MMP7: variants seen among roughly 807,000 people sequenced by gnomAD.
MMP7 encodes the protein matrix metallopeptidase 7.
MMP7 carries 26 observed loss-of-function variants against 31.5 expected under a neutral mutation model. The ratio of observed to expected loss-of-function variants is 0.83; its 90% CI spans 0.61 to 1.15. The LOEUF (loss-of-function observed/expected upper bound fraction) is 1.15. Among genes scored for constraint, MMP7 ranks in the 50% most tolerant of loss-of-function variants. The pLI is 0.00. For synonymous variants in MMP7, 142 were observed against 124.2 expected, an observed-to-expected ratio of 1.14 and a Z score of -0.95; for missense variants, 367 against 326.5, an observed-to-expected ratio of 1.12 and a Z score of -0.96.
At chr11:102,528,007 CTATAGTT>C (rs771504247) in intron 1 of MMP7, 24 bp from the exon 2 acceptor site, 32 of 1,526,364 alleles carry the variant, frequency 2.1e-5, no homozygotes, top group Non-Finnish European at 2.9e-5. Context: ...AGTAATTAAT[CTATAGTT>C]CTTGTTTATT....
Position 102,520,609 on chromosome 11 carries a change from A to C in MMP7, c.*167T>G. 1 of 561,832 alleles carries C rather than the reference A, an allele frequency of 1.8e-6. No individual in the cohort carries two copies. Among genetic ancestry groups the C allele is most frequent in the Non-Finnish European group, 3.2e-6 (1 of 316,454 alleles). The allele number at this position is 561,832 out of a possible 1,614,324, so 34.8% of individuals were successfully genotyped here. ...ATGAATAAGACACAGTCACACCATAAAGGAGTTTATCCTTAAAAGGAGTGA... is the reference window on the plus strand; with the variant it reads ...ATGAATAAGACACAGTCACACCATACAGGAGTTTATCCTTAAAAGGAGTGA... On this transcript the variant is annotated 3_prime_UTR_variant, in exon 6 of 6. Transcript: ENST00000260227.
At chr11:102,524,735 G>T in intron 4 of MMP7, 1 of 407,630 alleles carries the variant, frequency 2.5e-6, no homozygotes, top group Non-Finnish European at 3.9e-6. Flanking sequence ...AGTGGTGCTT[G>T]ACTCCATAGC....
chr11:102,527,910 T>TTTAGAAG lies in MMP7; in HGVS notation c.181_182insCTTCTAA (p.Glu61AlafsTer43). 1 of 1,614,174 alleles carries TTTAGAAG rather than the reference T, an allele frequency of 6.2e-7. No homozygotes were observed. The highest frequency in any genetic ancestry group is 8.5e-7 in the Non-Finnish European group (1 of 1,180,018). Reference sequence around the variant, plus strand: ...AGGTAGGCCAAAGAATTTTTGCATCTCCTTGAGTTTGGCTTCTAAACTGTT... The same window carrying TTTAGAAG: ...AGGTAGGCCAAAGAATTTTTGCATCTTTAGAAGCCTTGAGTTTGGCTTCTAAACTGTT... On this transcript the variant is annotated frameshift_variant, in exon 2 of 6. Coordinates refer to ENST00000260227, the MANE Select transcript of MMP7 (RefSeq NM_002423.5). LOFTEE classifies it high-confidence loss of function.
At chr11:102,521,883 C>T (rs754938626) in intron 5 of MMP7, among the ~76,000 whole-genome samples, 14 of 152,118 alleles carry the variant, frequency 9.2e-5, no homozygotes, top group Admixed American at 7.9e-4. Flanking sequence ...GATAACTTTA[C>T]GAACAATAGT....
intron 4 of MMP7, chr11:102,524,342 C>T (rs1454537395): frequency 6.6e-6 from 1 of 152,140 alleles, no homozygotes; most frequent in Non-Finnish European, 1.5e-5. Flanking sequence ...CAGAGCTCTT[C>T]TCCATTAGTT....
intron 5 of MMP7, among the ~76,000 whole-genome samples, chr11:102,521,101 T>C (rs1858608279): frequency 6.6e-6 from 1 of 152,246 alleles, no homozygotes; most frequent in Non-Finnish European, 1.5e-5. Flanking sequence ...TACAAATCTG[T>C]AAAATGTGGA....
intron 1 of MMP7, among the ~76,000 whole-genome samples, chr11:102,529,404 T>G (rs905367859): frequency 5.9e-5 from 9 of 152,170 alleles, no homozygotes; most frequent in Admixed American, 2.6e-4. Context: ...CTTTTCCTGT[T>G]TTTTTGTTAA....
At position 102,527,547 on chromosome 11, in the gene MMP7, A is replaced by T. The variant is rs1294437130; in HGVS notation, c.461T>A (p.Ile154Asn). 1 of 1,613,978 alleles carries T rather than the reference A, an allele frequency of 6.2e-7. No individual in the cohort carries two copies. The highest frequency in any genetic ancestry group is 1.3e-5 in the African/African-American group (1 of 74,930). ...FRKVVWGTADIMIGFARGAHG... is the reference protein window; with the variant it reads ...FRKVVWGTADNMIGFARGAHG... ...ACCTCCTCGCGCAAAGCCAATCATGATGTCAGCAGTTCCCCATACAACTTT... is the reference window on the plus strand; with the variant it reads ...ACCTCCTCGCGCAAAGCCAATCATGTTGTCAGCAGTTCCCCATACAACTTT... Residue 154 changes from isoleucine (I) to asparagine (N), a missense_variant, in exon 3 of 6, where the codon ATC becomes AAC. Transcript: ENST00000260227.
At chr11:102,525,655 C>T (rs570181252) in intron 3 of MMP7, among the ~76,000 whole-genome samples, 1 of 151,822 alleles carries the variant, frequency 6.6e-6, no homozygotes, top group South Asian at 2.1e-4. Flanking sequence ...CTTAAGGTTG[C>T]ATTTAAGCTT....
intron 1 of MMP7, among the ~76,000 whole-genome samples, chr11:102,529,578 G>A (rs996560758): frequency 6.6e-6 from 1 of 152,098 alleles, no homozygotes; most frequent in Non-Finnish European, 1.5e-5. Flanking sequence ...ACTTTATGTG[G>A]TTCAATCTAA....
chr11:102,528,217 TA>T (rs553706786), intron 1 of MMP7, among the ~76,000 whole-genome samples: 1 of 152,220 alleles, frequency 6.6e-6, no homozygotes, highest in African/African-American at 2.4e-5. Flanking sequence ...CCTCAATTTT[TA>T]AAAAATCCAT....
In MMP7 at chr11:102,530,721, T is replaced by C; in HGVS notation, c.-21A>G. On this transcript the variant is annotated 5_prime_UTR_variant, in exon 1 of 6. Transcript: ENST00000260227. ...CGCATAGCTGCCGTCCAGAGACAAT[T>C]GTTCTTGGACCTATGGTTGATTTGG... is the stretch of plus-strand genomic sequence containing the variant. 6.2e-7 allele frequency: 1 copy of C among 1,607,504 alleles called. No individual in the cohort carries two copies. Among genetic ancestry groups the C allele is most frequent in the Non-Finnish European group, 8.5e-7 (1 of 1,175,508 alleles).
rs1423172461 is a variant in MMP7, at chr11:102,527,959, A to G, written c.133T>C (p.Tyr45His). ...AQDYLKRFYL[Y>H]DSETKNANSL... ...TTGGCATTTTTTGTTTCTGAGTCAT[A>G]GAGATAAAATCTCTTGAGATAGTCC... Residue 45 changes from tyrosine to histidine, a missense_variant, in exon 2 of 6, where the codon TAT (tyrosine) becomes CAT (histidine). Transcript: ENST00000260227. The G allele has an allele frequency of 6.2e-7, 1 of 1,613,660 alleles. No individual in the cohort carries two copies. The highest frequency in any genetic ancestry group is 1.3e-5 in the African/African-American group (1 of 74,940).
rs376170396 is a variant in MMP7 at position 102,530,707 on chromosome 11, C to T, written c.-7G>A. On this transcript the variant is annotated 5_prime_UTR_variant, in exon 1 of 6. Transcript: ENST00000260227. ...ACAGCACGGTGAGTCGCATAGCTGC[C>T]GTCCAGAGACAATTGTTCTTGGACC... The T allele has an allele frequency of 6.2e-6, 10 of 1,611,752 alleles. No homozygotes were observed. The highest frequency in any genetic ancestry group is 1.1e-5 in the South Asian group (1 of 90,858).
chr11:102,526,478 C>A (rs1179101283), intron 3 of MMP7, among the ~76,000 whole-genome samples: 1 of 152,032 alleles, frequency 6.6e-6, no homozygotes, highest in Non-Finnish European at 1.5e-5. Context: ...CGCAGATGAT[C>A]CACCTGCCTT....
intron 3 of MMP7, 109 bp from the exon 4 acceptor site, chr11:102,525,173 G>A (rs1308340844): frequency 1.5e-6 from 2 of 1,358,780 alleles, no homozygotes; most frequent in Non-Finnish European, 2.0e-6. Flanking sequence ...GCCCAGTCCA[G>A]GCCAGGCATG....
In MMP7 at chr11:102,520,710, A is replaced by T; in HGVS notation, c.*66T>A. ...TGGAGTGGAGGAACAGTGCTTATCA[A>T]TTCTGATTGTGCAACAATGATATAC... On this transcript the variant is annotated 3_prime_UTR_variant, in exon 6 of 6. Transcript: ENST00000260227. 7.5e-7 allele frequency: 1 copy of T among 1,333,470 alleles called. No homozygotes were observed. 82.6% of individuals were successfully genotyped at this position (1,333,470 alleles called of 1,614,324 possible). A position where few individuals can be genotyped will look rare whatever the true frequency, so the allele number is the denominator to read the frequency against.
At chr11:102,527,176 T>C in intron 3 of MMP7, 1 of 290,596 alleles carries the variant, frequency 3.4e-6, no homozygotes, top group Non-Finnish European at 6.6e-6. Context: ...AGATAACAAG[T>C]GTTTAAGCTT....
In MMP7 at chr11:102,528,365, G is replaced by T. The variant is rs1192256709; in HGVS notation, c.109-382C>A. Among the ~76,000 whole-genome samples, 21 of 152,272 alleles carry T rather than the reference G, an allele frequency of 1.4e-4. 1 individual carries two copies. The highest frequency in any genetic ancestry group is 6.8e-3 in the Middle Eastern group (2 of 294). On this transcript the variant is annotated intron_variant, in intron 1 of 5. Transcript: ENST00000260227. ...CTGTGTTATCATAGACCCTGTGGGGGAGATCTGAGGTCAACCAGCCCTATC... is the reference window on the plus strand; with the variant it reads ...CTGTGTTATCATAGACCCTGTGGGGTAGATCTGAGGTCAACCAGCCCTATC...
Sources: allele counts gnomAD v4.1 joint callset (sites outside exome capture counted in the v4.1 genomes callset), GRCh38; gene constraint gnomAD v4.1.1; transcripts MANE v1.5; gene names NCBI Gene and HGNC (gene_info 2026-07-23, HGNC 2026-07-21).